Variants in ZNF804A observed in about 807,000 individuals in gnomAD.
The protein encoded by ZNF804A is zinc finger protein 804A.
In ZNF804A, 2 loss-of-function variants were observed where a neutral mutation model predicts 16.5. That is an observed-to-expected ratio of 0.12 (90% CI 0.05 to 0.38). The LOEUF is 0.38. Ranked by LOEUF, ZNF804A falls within the 10% of genes least tolerant of loss-of-function variation. The pLI, the probability that ZNF804A is intolerant of heterozygous loss-of-function variation, is 0.99. For synonymous variants in ZNF804A, 534 were observed against 489.6 expected (o/e 1.09, Z -1.20); for missense variants, 1,473 against 1,390.7 (o/e 1.06, Z -0.94).
intron 1 of ZNF804A, among the ~76,000 whole-genome samples, chr2:184,629,298 T>C (rs1691564892): frequency 6.6e-6 from 1 of 152,124 alleles, no homozygotes; most frequent in Admixed American, 6.6e-5. Flanking sequence ...CCTGCATTCC[T>C]TAGGGGGTGC....
intron 1 of ZNF804A, among the ~76,000 whole-genome samples, chr2:184,736,002 G>A (rs1255722248): frequency 2.0e-5 from 3 of 152,126 alleles, no homozygotes; most frequent in Non-Finnish European, 4.4e-5. Flanking sequence ...TGAAATATAA[G>A]TATCCTGAAA....
chr2:184,890,744 TA>T (rs1333542472), intron 2 of ZNF804A, among the ~76,000 whole-genome samples: 1 of 151,544 alleles, frequency 6.6e-6, no homozygotes, highest in Admixed American at 6.6e-5. Context: ...AATTATTCCT[TA>T]AAATTCCCTT....
intron 1 of ZNF804A, among the ~76,000 whole-genome samples, chr2:184,794,737 C>A (rs533233161): frequency 6.6e-6 from 1 of 152,150 alleles, no homozygotes; most frequent in Admixed American, 6.6e-5. Context: ...AATTTACCAA[C>A]CAACTATCTG....
chr2:184,768,774 CA>C (rs1199290213), intron 1 of ZNF804A, among the ~76,000 whole-genome samples: 1 of 151,840 alleles, frequency 6.6e-6, no homozygotes, highest in Non-Finnish European at 1.5e-5. Flanking sequence ...TTAAATTCAC[CA>C]AAATAATTAA....
At chr2:184,748,294 T>TG (rs1693824574) in intron 1 of ZNF804A, among the ~76,000 whole-genome samples, 1 of 151,322 alleles carries the variant, frequency 6.6e-6, no homozygotes, top group Non-Finnish European at 1.5e-5. Context: ...TCTGTTTTTT[T>TG]TTTTGACTTT....
intron 1 of ZNF804A, among the ~76,000 whole-genome samples, chr2:184,824,497 C>T (rs1474991666): frequency 6.6e-6 from 1 of 151,964 alleles, no homozygotes; most frequent in Non-Finnish European, 1.5e-5. Context: ...ACAGAATGGA[C>T]ATTTTAGTGT....
intron 1 of ZNF804A, among the ~76,000 whole-genome samples, chr2:184,603,485 G>A (rs1691082591): frequency 6.6e-6 from 1 of 152,014 alleles, no homozygotes; most frequent in African/African-American, 2.4e-5. Flanking sequence ...TTTCATTATT[G>A]AATATAACTT....
At chr2:184,698,266 G>A (rs1022638342) in intron 1 of ZNF804A, among the ~76,000 whole-genome samples, 6 of 152,002 alleles carry the variant, frequency 3.9e-5, no homozygotes, top group Non-Finnish European at 8.8e-5. Context: ...ATTATAAAAG[G>A]TTGATAGTCT....
intron 1 of ZNF804A, among the ~76,000 whole-genome samples, chr2:184,807,253 C>T (rs1404413180): frequency 6.6e-6 from 1 of 151,850 alleles, no homozygotes; most frequent in Non-Finnish European, 1.5e-5. Flanking sequence ...AACTTGTCAT[C>T]ATGTTACATT....
At chr2:184,711,387 C>G (rs1264546595) in intron 1 of ZNF804A, among the ~76,000 whole-genome samples, 1 of 151,532 alleles carries the variant, frequency 6.6e-6, no homozygotes, top group African/African-American at 2.4e-5. Context: ...TAGAAGTTAC[C>G]TGCATATTTT....
intron 1 of ZNF804A, among the ~76,000 whole-genome samples, chr2:184,680,798 G>C (rs565449189): frequency 6.6e-6 from 1 of 152,260 alleles, no homozygotes; most frequent in African/African-American, 2.4e-5. Flanking sequence ...TGTGGCAGGA[G>C]ATGAGAAGGA....
intron 1 of ZNF804A, among the ~76,000 whole-genome samples, chr2:184,647,498 T>C (rs1436879992): frequency 3.3e-5 from 5 of 152,078 alleles, no homozygotes; most frequent in Non-Finnish European, 7.4e-5. Context: ...CAAATCAATC[T>C]AAAGCAGTCC....
chr2:184,668,424 T>G (rs1692285451), intron 1 of ZNF804A, among the ~76,000 whole-genome samples: 1 of 151,808 alleles, frequency 6.6e-6, no homozygotes, highest in South Asian at 2.1e-4. Context: ...TTTTGACAAT[T>G]GAATTTAAAC....
At chr2:184,621,065 T>C (rs2105679769) in intron 1 of ZNF804A, among the ~76,000 whole-genome samples, 1 of 151,688 alleles carries the variant, frequency 6.6e-6, no homozygotes, top group African/African-American at 2.4e-5. Context: ...CATTCAAGTC[T>C]GTCAGTTTTG....
At chr2:184,862,246 A>C (rs1173021002) in intron 1 of ZNF804A, among the ~76,000 whole-genome samples, 1 of 152,220 alleles carries the variant, frequency 6.6e-6, no homozygotes, top group Non-Finnish European at 1.5e-5. Flanking sequence ...CTGTTTCAAT[A>C]TTAGCCACAA....
At chr2:184,639,859 AG>A (rs1238091492) in intron 1 of ZNF804A, among the ~76,000 whole-genome samples, 1 of 151,990 alleles carries the variant, frequency 6.6e-6, no homozygotes, top group Non-Finnish European at 1.5e-5. Flanking sequence ...AAAATTAGCC[AG>A]GCGAGGGGGC....
chr2:184,605,037 A>G lies in ZNF804A; in HGVS notation c.111+5967A>G, dbSNP rs548290714. 1.8e-3 allele frequency among the ~76,000 whole-genome samples: 270 copies of G among 152,266 alleles called. 2 individuals are homozygous for G. Among genetic ancestry groups the G allele is most frequent in the African/African-American group, 5.9e-3 (246 of 41,570 alleles). ...TAATTTTATTCTTTAATATATACTT[A>G]TATAAACATGTTACTTTTATATACC... On this transcript the variant is annotated intron_variant, in intron 1 of 3. Coordinates refer to ENST00000302277, the MANE Select transcript of ZNF804A (RefSeq NM_194250.2).
intron 1 of ZNF804A, among the ~76,000 whole-genome samples, chr2:184,693,816 C>T (rs1376804070): frequency 6.6e-6 from 1 of 151,060 alleles, no homozygotes; most frequent in Non-Finnish European, 1.5e-5. Flanking sequence ...GTCAGCTTGG[C>T]GTCAGTGAAC....
intron 1 of ZNF804A, among the ~76,000 whole-genome samples, chr2:184,797,792 G>T (rs998591365): frequency 6.6e-5 from 10 of 151,946 alleles, no homozygotes; most frequent in African/African-American, 2.4e-4. Context: ...TTATATTTTT[G>T]TTTTATAAGT....
Sources: gnomAD v4.1 joint callset for allele counts (sites outside exome capture counted in the v4.1 genomes callset) on GRCh38, gnomAD v4.1.1 for gene constraint, MANE v1.5 for transcripts, NCBI Gene and HGNC (gene_info 2026-07-23, HGNC 2026-07-21) for gene names.